SCN4B: variants seen among roughly 807,000 people sequenced by gnomAD.
The protein encoded by SCN4B is sodium channel regulatory subunit beta-4.
Under a neutral mutation model 19.6 loss-of-function variants are expected in SCN4B, and 20 were observed. The ratio of observed to expected loss-of-function variants is 1.02; its 90% CI spans 0.72 to 1.48. SCN4B has a LOEUF of 1.48. Among genes scored for constraint, SCN4B ranks in the 40% most tolerant of loss-of-function variants. The pLI is 0.00. For missense variants in SCN4B, 271 were observed against 287.5 expected (o/e 0.94, Z 0.42); for synonymous variants, 127 against 122.8 (o/e 1.03, Z -0.22).
intron 4 of SCN4B, among the ~76,000 whole-genome samples, chr11:118,137,545 C>G (rs932869265): frequency 6.6e-6 from 1 of 152,194 alleles, no homozygotes; most frequent in Admixed American, 6.5e-5. Context: ...GTGGCAGGCG[C>G]CTATAGTCCC....
chr11:118,145,785 C>T (rs915180224), intron 1 of SCN4B: 8 of 220,484 alleles, frequency 3.6e-5, no homozygotes, highest in Non-Finnish European at 6.5e-5. Context: ...CTCGTTCCCC[C>T]GCCCTGGAGG....
At position 118,135,225 on chromosome 11, in the gene SCN4B, G is replaced by A. The variant is rs978754161; in HGVS notation, c.*1802C>T. The A allele has an allele frequency of 2.9e-5, 13 of 453,684 alleles. No homozygotes were observed. Among genetic ancestry groups the A allele is most frequent in the African/African-American group, 1.6e-4 (8 of 49,966 alleles). 28.1% of individuals were successfully genotyped at this position (453,684 alleles called of 1,614,324 possible). ...TGGGAGGCGCACAGGCAGATCAGAC[G>A]GGGAACTGGTGAGCCCAGCAGGTTG... On this transcript the variant is annotated 3_prime_UTR_variant, in exon 5 of 5. Coordinates refer to ENST00000324727, the MANE Select transcript of SCN4B (RefSeq NM_174934.4).
At chr11:118,141,064 G>C (rs190893579) in intron 4 of SCN4B, 143 bp downstream of exon 4, 1 of 875,158 alleles carries the variant, frequency 1.1e-6, no homozygotes, top group Non-Finnish European at 1.9e-6. Context: ...GAGATGGGGA[G>C]GGGGTGGCAG....
At chr11:118,138,480 A>ATC (rs200427801) in intron 4 of SCN4B, among the ~76,000 whole-genome samples, 2 of 151,894 alleles carry the variant, frequency 1.3e-5, no homozygotes, top group East Asian at 1.9e-4. Context: ...GGATGGATCC[A>ATC]TCTCTCTCTC....
intron 1 of SCN4B, among the ~76,000 whole-genome samples, chr11:118,146,781 C>T (rs1948182424): frequency 6.6e-6 from 1 of 152,216 alleles, no homozygotes; most frequent in African/African-American, 2.4e-5. Context: ...ATTTCATCCT[C>T]ACGGCCTGTC....
In SCN4B at chr11:118,136,584, C is replaced by T; in HGVS notation, c.*443G>A. 1 of 454,530 alleles carries T rather than the reference C, an allele frequency of 2.2e-6. No homozygotes were observed. The highest frequency in any genetic ancestry group is 1.6e-5 in the South Asian group (1 of 64,476). The allele number at this position is 454,530 out of a possible 1,614,324, so 28.2% of individuals were successfully genotyped here. ...TCTCCAGAGGCCTCCAGCCCACTCC[C>T]ACCTCCAAAGGAAGCCACTTCTTCC... is the stretch of plus-strand genomic sequence containing the variant. On this transcript the variant is annotated 3_prime_UTR_variant, in exon 5 of 5. Coordinates refer to ENST00000324727, the MANE Select transcript of SCN4B (RefSeq NM_174934.4).
intron 1 of SCN4B, 31 bp downstream of exon 1, chr11:118,152,582 A>G (rs775856352): frequency 1.3e-6 from 2 of 1,593,694 alleles, no homozygotes; most frequent in Non-Finnish European, 1.7e-6. Flanking sequence ...GGGGGGAGGC[A>G]AGAGAAGAGA....
intron 4 of SCN4B, among the ~76,000 whole-genome samples, chr11:118,139,744 G>T (rs1408667531): frequency 6.6e-6 from 1 of 152,112 alleles, no homozygotes; most frequent in African/African-American, 2.4e-5. Context: ...TTGCTCAATT[G>T]TAAAATAATA....
chr11:118,141,632 T>G, intron 3 of SCN4B: 1 of 467,230 alleles, frequency 2.1e-6, no homozygotes. Flanking sequence ...CCTATAACAC[T>G]CAAGTTTGAG....
intron 2 of SCN4B, 75 bp from the exon 3 acceptor site, chr11:118,144,136 C>G: frequency 1.1e-6 from 1 of 946,096 alleles, no homozygotes; most frequent in Admixed American, 1.7e-5. Flanking sequence ...TGACATCACA[C>G]CAGCCCACTC....
chr11:118,151,387 C>G (rs1374535032), intron 1 of SCN4B, among the ~76,000 whole-genome samples: 1 of 152,136 alleles, frequency 6.6e-6, no homozygotes, highest in African/African-American at 2.4e-5. Context: ...TGGCGCTGTG[C>G]CCACCCTGTG....
rs748050952 is a variant in SCN4B at position 118,136,960 on chromosome 11, G to A, written c.*67C>T. ...TCTCAGGCACGTGGGTTCTACGGTC[G>A]GGGCTCAAGCATCAGTTTCATCATC... is the stretch of plus-strand genomic sequence containing the variant. On this transcript the variant is annotated 3_prime_UTR_variant, in exon 5 of 5. Transcript: ENST00000324727. 62 of 1,107,940 alleles carry A rather than the reference G, an allele frequency of 5.6e-5. No homozygotes were observed. The highest frequency in any genetic ancestry group is 8.9e-5 in the South Asian group (7 of 78,514). The allele number at this position is 1,107,940 out of a possible 1,614,324, so 68.6% of individuals were successfully genotyped here.
At chr11:118,152,365 G>A (rs1001523987) in intron 1 of SCN4B, among the ~76,000 whole-genome samples, 9 of 152,200 alleles carry the variant, frequency 5.9e-5, no homozygotes, top group African/African-American at 1.9e-4. Context: ...TGGAGCCGAA[G>A]GTGCCAAGGA....
At position 118,134,397 on chromosome 11, in the gene SCN4B, G is replaced by A. The variant is rs919077805; in HGVS notation, c.*2630C>T. 1 of 453,994 alleles carries A rather than the reference G, an allele frequency of 2.2e-6. No homozygotes were observed. The highest frequency in any genetic ancestry group is 2.0e-5 in the African/African-American group (1 of 50,004). 28.1% of individuals were successfully genotyped at this position (453,994 alleles called of 1,614,324 possible). ...TTTGCATGCACTGAGGTTCCACTTG[G>A]GGAAGATAGCTTTGCCCATATACAT... is the stretch of plus-strand genomic sequence containing the variant. On this transcript the variant is annotated 3_prime_UTR_variant, in exon 5 of 5. Coordinates refer to ENST00000324727, the MANE Select transcript of SCN4B (RefSeq NM_174934.4).
intron 1 of SCN4B, among the ~76,000 whole-genome samples, chr11:118,147,595 C>A (rs1445599895): frequency 1.3e-5 from 2 of 152,204 alleles, no homozygotes; most frequent in Non-Finnish European, 2.9e-5. Context: ...CCCATCTCCC[C>A]CAGAGGTCTA....
At chr11:118,145,900 G>A (rs1948167626) in intron 1 of SCN4B, among the ~76,000 whole-genome samples, 2 of 152,206 alleles carry the variant, frequency 1.3e-5, no homozygotes, top group Non-Finnish European at 2.9e-5. Flanking sequence ...CGGGACCCTG[G>A]GAACCGCAGG....
intron 3 of SCN4B, among the ~76,000 whole-genome samples, chr11:118,143,511 A>T (rs1432800160): frequency 1.3e-5 from 2 of 152,218 alleles, no homozygotes; most frequent in Non-Finnish European, 2.9e-5. Context: ...ATTAATAATC[A>T]GTATATACGG....
chr11:118,142,868 A>C (rs1351719905), intron 3 of SCN4B: 1 of 137,432 alleles, frequency 7.3e-6, no homozygotes, highest in Non-Finnish European at 1.7e-5. Flanking sequence ...AAGCCCAGAC[A>C]GAAAGGAAGA....
At chr11:118,143,533 C>T (rs1261041362) in intron 3 of SCN4B, among the ~76,000 whole-genome samples, 1 of 152,184 alleles carries the variant, frequency 6.6e-6, no homozygotes, top group South Asian at 2.1e-4. Flanking sequence ...GAAAACCCTA[C>T]TAGCCACAAA....
Sources: allele counts gnomAD v4.1 joint callset (sites outside exome capture counted in the v4.1 genomes callset), GRCh38; gene constraint gnomAD v4.1.1; transcripts MANE v1.5; gene names NCBI Gene and HGNC (gene_info 2026-07-23, HGNC 2026-07-21).